TCEA2: variants seen among roughly 807,000 people sequenced by gnomAD.
The protein encoded by TCEA2 is transcription elongation factor A protein 2.
In TCEA2, 21 loss-of-function variants were observed where a neutral mutation model predicts 40.8. That is an observed-to-expected ratio of 0.51 (90% CI 0.36 to 0.74). TCEA2 has a LOEUF of 0.74. Among genes scored for constraint, TCEA2 ranks in the 30% least tolerant of loss-of-function variants. The pLI is 0.00. For synonymous variants in TCEA2, 165 were observed against 162.7 expected (o/e 1.01, Z -0.11); for missense variants, 326 against 426.5 (o/e 0.76, Z 2.08).
intron 5 of TCEA2, 135 bp downstream of exon 5, chr20:64,069,626 G>C: frequency 6.5e-7 from 1 of 1,534,614 alleles, no homozygotes. Flanking sequence ...CCTGGCAGGG[G>C]CTAGGGGCCT....
rs763716611 is a variant in TCEA2, at chr20:64,072,187, G to GTGTAGA, written c.*11_*16dup. The GTGTAGA allele has an allele frequency of 1.2e-5, 20 of 1,613,404 alleles. No homozygotes were observed. The highest frequency in any genetic ancestry group is 1.7e-5 in the Non-Finnish European group (20 of 1,179,620). The stretch of plus-strand genomic sequence containing the variant: ...TTTCTCGCAGTTCTGCTGACCCCTC[G>GTGTAGA]TGTAGATGTGCTGCAGCCTTGGGCC... On this transcript the variant is annotated 3_prime_UTR_variant, in exon 10 of 10. Transcript: ENST00000343484.
At chr20:64,058,579 T>C (rs2059504757), upstream of TCEA2, among the ~76,000 whole-genome samples, 1 of 152,230 alleles carries the variant, frequency 6.6e-6, no homozygotes, top group Non-Finnish European at 1.5e-5. The surrounding 1 kb of genome is among the most constrained non-coding windows in gnomAD (Gnocchi z 6.7). Context: ...TCCCAGTTCC[T>C]GGAGTCCTAG....
chr20:64,070,408 C>G lies in TCEA2; in HGVS notation c.666C>G (p.Thr222=). 6.2e-7 allele frequency: 1 copy of G among 1,614,164 alleles called. No individual in the cohort carries two copies. Among genetic ancestry groups the G allele is most frequent in the East Asian group, 2.2e-5 (1 of 44,880 alleles). ...AITPQQIAVM[T]SEEMASDELK... ...CACCCCAGCAGATCGCTGTGATGAC[C>G]TCAGAGGTGAGCCCCTGTTGGAGGG... Residue 222 remains threonine, a synonymous_variant, in exon 7 of 10, where the codon ACC becomes ACG. Coordinates refer to ENST00000343484, the MANE Select transcript of TCEA2 (RefSeq NM_003195.6).
intron 4 of TCEA2, among the ~76,000 whole-genome samples, chr20:64,069,127 G>C (rs2059765310): frequency 1.3e-5 from 2 of 152,246 alleles, no homozygotes; most frequent in Admixed American, 1.3e-4. Flanking sequence ...AGTACACCCT[G>C]ACCCACTGGG....
At chr20:64,063,543 G>A (rs1280587856) in intron 1 of TCEA2, 159 bp downstream of exon 1, 1 of 845,518 alleles carries the variant, frequency 1.2e-6, no homozygotes, top group South Asian at 1.7e-5. Context: ...CCCACCCGTG[G>A]CCGAGACCCC....
At chr20:64,057,350 C>T (rs1048516917) in exon 1 of TCEA2, 3 of 152,302 alleles carry the variant, frequency 2.0e-5, no homozygotes, top group African/African-American at 7.2e-5. Flanking sequence ...GGGATCCAGG[C>T]CTTGCCTCTG....
At chr20:64,071,736 A>T (rs2059842285) in intron 8 of TCEA2, 134 bp from the exon 9 acceptor site, 3 of 961,140 alleles carry the variant, frequency 3.1e-6, no homozygotes, top group Non-Finnish European at 4.6e-6. Flanking sequence ...GGAAGGTTGG[A>T]GTCACGAGGC....
rs2059708949 is a variant in TCEA2, at chr20:64,066,971, G to A, written c.192G>A (p.Glu64=). 3 of 1,613,980 alleles carry A rather than the reference G, an allele frequency of 1.9e-6. No individual in the cohort carries two copies. The highest frequency in any genetic ancestry group is 2.5e-6 in the Non-Finnish European group (3 of 1,179,952). The change falls in exon 3 of 10, where the codon GAG becomes GAA. Residue 64 remains glutamate (E), a synonymous_variant. Coordinates refer to ENST00000343484, the MANE Select transcript of TCEA2 (RefSeq NM_003195.6). The part of the protein sequence containing the change: ...NALRKQSSDE[E]VIALAKSLIK... ...TTCGGAAGCAGAGCTCGGATGAGGA[G>A]GTCATTGCACTGGCCAAGTCTCTCA... is the stretch of plus-strand genomic sequence containing the variant.
At chr20:64,061,960 C>T (rs895185087), upstream of TCEA2, among the ~76,000 whole-genome samples, 4 of 152,036 alleles carry the variant, frequency 2.6e-5, no homozygotes, top group African/African-American at 9.7e-5. Flanking sequence ...AACTCCTGAC[C>T]TCAGGTGATC....
chr20:64,062,912 G>C (rs994526357), upstream of TCEA2: 29 of 157,278 alleles, frequency 1.8e-4, no homozygotes, highest in African/African-American at 6.9e-4. Flanking sequence ...GGAGAGAAGG[G>C]AGCAGATTCC....
intron 3 of TCEA2, among the ~76,000 whole-genome samples, chr20:64,067,604 GTCTC>G (rs149831137): frequency 0.019 from 2,908 of 152,344 alleles, 31 homozygotes; most frequent in Non-Finnish European, 0.027. Flanking sequence ...TTGTGAAACA[GTCTC>G]TCTCCAGCCC....
chr20:64,071,857 G>A lies in TCEA2; in HGVS notation c.820-13G>A, dbSNP rs1312076262. 1 of 1,613,834 alleles carries A rather than the reference G, an allele frequency of 6.2e-7. No individual in the cohort carries two copies. The highest frequency in any genetic ancestry group is 1.7e-5 in the Admixed American group (1 of 60,016). On this transcript the variant is annotated splice_polypyrimidine_tract_variant and intron_variant, in intron 8 of 9. Transcript: ENST00000343484. Reference sequence around the variant, plus strand: ...ATGGAGGTGACCCTGGGTTCACCCAGCCCTGTTCACAGGTGCAGACCCGCA... The same window carrying A: ...ATGGAGGTGACCCTGGGTTCACCCAACCCTGTTCACAGGTGCAGACCCGCA...
intron 1 of TCEA2, 107 bp downstream of exon 1, chr20:64,063,491 G>C (rs2059615463): frequency 1.6e-6 from 2 of 1,284,256 alleles, no homozygotes; most frequent in South Asian, 2.6e-5. Flanking sequence ...GGCAGGACGA[G>C]ACCCCTCCCC....
At position 64,070,393 on chromosome 20, in the gene TCEA2, G is replaced by A; in HGVS notation, c.651G>A (p.Gln217=). 6.2e-7 allele frequency: 1 copy of A among 1,614,206 alleles called. No individual in the cohort carries two copies. Among genetic ancestry groups the A allele is most frequent in the South Asian group, 1.1e-5 (1 of 91,090 alleles). The change falls in exon 7 of 10, where the codon CAG becomes CAA. Residue 217 remains glutamine (Q), a synonymous_variant. Transcript: ENST00000343484. ...NVLCGAITPQ[Q]IAVMTSEEMA... ...TGTGTGGGGCCATAACACCCCAGCA[G>A]ATCGCTGTGATGACCTCAGAGGTGA...
chr20:64,058,483 C>T (rs2059503334), upstream of TCEA2, among the ~76,000 whole-genome samples: 1 of 152,146 alleles, frequency 6.6e-6, no homozygotes, highest in Non-Finnish European at 1.5e-5. This position sits in a 1 kb window ranked among gnomAD's most constrained non-coding sequence, Gnocchi z 6.7. Flanking sequence ...CCCAGGGCCC[C>T]AGGACGTAGA....
chr20:64,066,996 A>G lies in TCEA2; in HGVS notation c.217A>G (p.Ile73Val), dbSNP rs774343827. The part of the protein sequence containing the change: ...EEVIALAKSL[I>V]KSWKKLLDAS... ...GGTCATTGCACTGGCCAAGTCTCTC[A>G]TCAAGTCCTGGAAGAAGCTCCTGGG... Residue 73 changes from isoleucine (I) to valine (V), a missense_variant, in exon 3 of 10, where the codon ATC becomes GTC. Physicochemically the swap from Ile to Val is conservative, Grantham distance 29. Transcript: ENST00000343484. 6.2e-7 allele frequency: 1 copy of G among 1,612,816 alleles called. No individual in the cohort carries two copies. Among genetic ancestry groups the G allele is most frequent in the African/African-American group, 1.3e-5 (1 of 74,984 alleles).
upstream of TCEA2, among the ~76,000 whole-genome samples, chr20:64,062,112 C>T (rs2059578754): frequency 6.6e-6 from 1 of 152,224 alleles, no homozygotes; most frequent in East Asian, 1.9e-4. Flanking sequence ...GTGCCACAGA[C>T]AGCCCAAGAA....
At position 64,063,330 on chromosome 20, in the gene TCEA2, G is replaced by T; in HGVS notation, c.18G>T (p.Glu6Asp). 6.5e-7 allele frequency: 1 copy of T among 1,548,996 alleles called. No individual in the cohort carries two copies. The highest frequency in any genetic ancestry group is 8.7e-7 in the Non-Finnish European group (1 of 1,146,986). ...CTGAGGCGATGATGGGCAAGGAAGA[G>T]GAGATTGCGCGGATCGCCCGGAGGC... MMGKE[E>D]EIARIARRLD... is the part of the protein sequence containing the mutation. The change falls in exon 1 of 10, where the codon GAG (glutamate) becomes GAT (aspartate). Residue 6 changes from glutamate (E) to aspartate (D), a missense_variant. Physicochemically the swap from Glu to Asp is conservative, Grantham distance 45. Coordinates refer to ENST00000343484, the MANE Select transcript of TCEA2 (RefSeq NM_003195.6).
upstream of TCEA2, chr20:64,062,515 G>C (rs1175981738): frequency 6.6e-6 from 1 of 152,298 alleles, no homozygotes; most frequent in Non-Finnish European, 1.5e-5. Flanking sequence ...TGGGGAGACT[G>C]AGACACAGTG....
Sources: allele counts gnomAD v4.1 joint callset (sites outside exome capture counted in the v4.1 genomes callset), GRCh38; gene constraint gnomAD v4.1.1; non-coding constraint Gnocchi (gnomAD v3.1); transcripts MANE v1.5; gene names NCBI Gene and HGNC (gene_info 2026-07-23, HGNC 2026-07-21).